The following RSPO2 variants were observed in gnomAD, a reference collection of about 807,000 sequenced individuals.
RSPO2 encodes R-spondin 2, also known as R-spondin-2.
In RSPO2, 14 loss-of-function variants were observed where a neutral mutation model predicts 30.9. The ratio of observed to expected loss-of-function variants is 0.45; its 90% CI spans 0.30 to 0.71. The LOEUF is 0.71. RSPO2 is among the 30% of genes least tolerant of loss of function. RSPO2 has a pLI of 0.08. For missense variants in RSPO2, 264 were observed against 301.9 expected (o/e 0.87, Z 0.93); for synonymous variants, 107 against 96.4 (o/e 1.11, Z -0.64).
intron 2 of RSPO2, among the ~76,000 whole-genome samples, chr8:108,004,135 A>T (rs1257777660): frequency 6.6e-6 from 1 of 152,180 alleles, no homozygotes. Context: ...ACCCACAAAA[A>T]CACTTCAGAG....
chr8:107,905,340 A>G (rs549789272), intron 5 of RSPO2, among the ~76,000 whole-genome samples: 1 of 152,228 alleles, frequency 6.6e-6, no homozygotes, highest in South Asian at 2.1e-4. Flanking sequence ...CTTTGACTAT[A>G]AAAGAGATTA....
chr8:108,062,018 T>C (rs1812485814), intron 2 of RSPO2, among the ~76,000 whole-genome samples: 2 of 151,870 alleles, frequency 1.3e-5, no homozygotes, highest in Admixed American at 1.3e-4. Flanking sequence ...CCAGAATCTC[T>C]GGGACACATT....
chr8:108,064,500 A>G (rs1027466465), intron 2 of RSPO2, among the ~76,000 whole-genome samples: 7 of 152,144 alleles, frequency 4.6e-5, no homozygotes, highest in Non-Finnish European at 8.8e-5. Flanking sequence ...TTAGAATGGC[A>G]ATCATTAAAA....
chr8:108,063,353 C>G (rs575810143), intron 2 of RSPO2, among the ~76,000 whole-genome samples: 5 of 151,516 alleles, frequency 3.3e-5, no homozygotes, highest in Admixed American at 6.6e-5. Context: ...TAAAATCAAC[C>G]GGCAAAAATC....
chr8:107,965,866 T>C (rs1320929798), intron 3 of RSPO2, among the ~76,000 whole-genome samples: 1 of 152,200 alleles, frequency 6.6e-6, no homozygotes, highest in Non-Finnish European at 1.5e-5. Flanking sequence ...AACCAACAGT[T>C]AAACACCTGA....
chr8:107,957,991 A>G (rs1049823060), intron 5 of RSPO2, 89 bp downstream of exon 5: 1 of 902,632 alleles, frequency 1.1e-6, no homozygotes, highest in East Asian at 2.5e-5. Flanking sequence ...CTTCAAAGAT[A>G]AATACTTATT....
At chr8:107,960,533 A>G (rs894713069) in intron 4 of RSPO2, 141 bp downstream of exon 4, 4 of 793,496 alleles carry the variant, frequency 5.0e-6, no homozygotes, top group African/African-American at 3.6e-5. Context: ...GCTTAAAATC[A>G]GCAAAGAACT....
chr8:108,039,923 T>C (rs1811702022), intron 2 of RSPO2, among the ~76,000 whole-genome samples: 1 of 152,150 alleles, frequency 6.6e-6, no homozygotes. Context: ...CTTTCTGCCA[T>C]GTGAGGATAC....
chr8:108,028,364 C>T (rs1811291631), intron 2 of RSPO2, among the ~76,000 whole-genome samples: 1 of 152,172 alleles, frequency 6.6e-6, no homozygotes, highest in African/African-American at 2.4e-5. Context: ...TTTCTCTTTA[C>T]TGTAAATCCC....
At chr8:108,034,181 A>G (rs995795317) in intron 2 of RSPO2, among the ~76,000 whole-genome samples, 7 of 151,414 alleles carry the variant, frequency 4.6e-5, no homozygotes, top group Non-Finnish European at 1.0e-4. Flanking sequence ...AAGAAATCCC[A>G]TGAGGTTCTG....
At chr8:107,972,143 A>C (rs1219817983) in intron 3 of RSPO2, among the ~76,000 whole-genome samples, 3 of 151,198 alleles carry the variant, frequency 2.0e-5, no homozygotes, top group Admixed American at 1.3e-4. Context: ...GTTTAGAATA[A>C]ACACAGTCTT....
At chr8:108,064,238 C>T (rs1276621134) in intron 2 of RSPO2, among the ~76,000 whole-genome samples, 3 of 152,084 alleles carry the variant, frequency 2.0e-5, no homozygotes, top group Admixed American at 1.3e-4. Flanking sequence ...CAGAGTGAAA[C>T]AGGCAACCTA....
chr8:108,018,489 A>T (rs1225707110), intron 2 of RSPO2, among the ~76,000 whole-genome samples: 1 of 152,230 alleles, frequency 6.6e-6, no homozygotes, highest in Admixed American at 6.5e-5. Context: ...CCTACATAAG[A>T]GACAAAACAA....
At chr8:108,082,409 G>A (rs1413778822) in intron 2 of RSPO2, 136 bp downstream of exon 2, 3 of 646,240 alleles carry the variant, frequency 4.6e-6, no homozygotes, top group African/African-American at 3.6e-5. Context: ...CCTAAAGGTG[G>A]GGACTGGGGA....
At chr8:108,028,826 G>A (rs980491257) in intron 2 of RSPO2, among the ~76,000 whole-genome samples, 8 of 152,160 alleles carry the variant, frequency 5.3e-5, no homozygotes, top group African/African-American at 1.4e-4. Flanking sequence ...TGAGAGGAAT[G>A]ATGTTCATTG....
At chr8:107,921,969 C>T (rs1812188306) in intron 5 of RSPO2, among the ~76,000 whole-genome samples, 1 of 152,084 alleles carries the variant, frequency 6.6e-6, no homozygotes, top group Admixed American at 6.6e-5. Context: ...TAAGAGCCAT[C>T]TATGACAAAT....
At chr8:108,064,783 A>T (rs147557123) in intron 2 of RSPO2, among the ~76,000 whole-genome samples, 46,092 of 152,126 alleles carry the variant, frequency 0.3, 7,819 homozygotes, top group African/African-American at 0.46. Context: ...CAAATGTCCA[A>T]CAATGATAGA....
intron 5 of RSPO2, among the ~76,000 whole-genome samples, chr8:107,954,165 G>T (rs1813338363): frequency 1.3e-5 from 2 of 152,170 alleles, no homozygotes; most frequent in African/African-American, 4.8e-5. Flanking sequence ...GAATATTTCA[G>T]ATTGAGATCA....
chr8:108,069,199 G>A (rs1412094710), intron 2 of RSPO2, among the ~76,000 whole-genome samples: 3 of 130,096 alleles, frequency 2.3e-5, no homozygotes, highest in African/African-American at 9.9e-5. Context: ...ATGTATGTGT[G>A]AACACACACA....
Sources: allele counts gnomAD v4.1 joint callset (sites outside exome capture counted in the v4.1 genomes callset), GRCh38; gene constraint gnomAD v4.1.1; transcripts MANE v1.5; gene names NCBI Gene and HGNC (gene_info 2026-07-23, HGNC 2026-07-21).